EYS: variants seen among roughly 807,000 people sequenced by gnomAD.
EYS encodes the protein EGF-like photoreceptor maintenance factor, also known as protein eyes shut homolog.
Under a neutral mutation model 282.1 loss-of-function variants are expected in EYS, and 250 were observed. The observed-to-expected ratio is 0.89, with a 90% CI of 0.80 to 0.98. The LOEUF (loss-of-function observed/expected upper bound fraction) is 0.98, where lower values mean the gene tolerates loss of function less well. Among genes scored for constraint, EYS ranks in the 50% least tolerant of loss-of-function variants. The pLI is 0.00. For synonymous variants in EYS, 1,355 were observed against 1,282.9 expected (o/e 1.06, Z -1.20); for missense variants, 4,016 against 3,709.0 (o/e 1.08, Z -2.15).
chr6:65,622,759 T>G (rs550450666), intron 2 of EYS, among the ~76,000 whole-genome samples: 1 of 151,066 alleles, frequency 6.6e-6, no homozygotes, highest in South Asian at 2.1e-4. Flanking sequence ...ATCTTTCTTT[T>G]TTTTTTTTTT....
intron 12 of EYS, among the ~76,000 whole-genome samples, chr6:65,250,338 AT>A (rs1186413335): frequency 6.6e-6 from 1 of 152,012 alleles, no homozygotes; most frequent in African/African-American, 2.4e-5. Context: ...CTAAAAAAAA[AT>A]AAGTCTAGGT....
chr6:64,915,725 A>T (rs1032711679), intron 15 of EYS, among the ~76,000 whole-genome samples: 1 of 152,166 alleles, frequency 6.6e-6, no homozygotes, highest in Non-Finnish European at 1.5e-5. Context: ...ATCACATTTT[A>T]AAATTGTCAA....
chr6:65,635,072 G>A (rs1376780100), intron 2 of EYS, among the ~76,000 whole-genome samples: 1 of 152,188 alleles, frequency 6.6e-6, no homozygotes, highest in African/African-American at 2.4e-5. Flanking sequence ...GTTCATTTAA[G>A]TGCTGTGCTA....
chr6:64,530,259 A>G (rs1764283190), intron 26 of EYS, among the ~76,000 whole-genome samples: 1 of 152,082 alleles, frequency 6.6e-6, no homozygotes. Context: ...ATTTAAAAGT[A>G]CTAAAATATC....
At chr6:64,023,887 C>T (rs996665299) in intron 33 of EYS, among the ~76,000 whole-genome samples, 3 of 152,204 alleles carry the variant, frequency 2.0e-5, no homozygotes, top group South Asian at 2.1e-4. Flanking sequence ...CGGCCGGCCC[C>T]GCCAGCCCAG....
At chr6:64,247,277 C>T (rs1767051730) in intron 30 of EYS, among the ~76,000 whole-genome samples, 1 of 152,098 alleles carries the variant, frequency 6.6e-6, no homozygotes, top group Non-Finnish European at 1.5e-5. Flanking sequence ...AAAAATCACA[C>T]AATTAGCTCT....
chr6:65,058,903 A>T (rs1773490638), intron 12 of EYS, among the ~76,000 whole-genome samples: 1 of 152,142 alleles, frequency 6.6e-6, no homozygotes, highest in African/African-American at 2.4e-5. Flanking sequence ...AATTATTTGA[A>T]TGGAAACATT....
chr6:64,137,499 G>C (rs1019528105), intron 31 of EYS, among the ~76,000 whole-genome samples: 3 of 152,110 alleles, frequency 2.0e-5, no homozygotes, highest in Non-Finnish European at 2.9e-5. Flanking sequence ...TTTAAAGTGA[G>C]AGATGTGTGA....
In EYS at chr6:64,264,686, T is replaced by C. The variant is rs532540777; in HGVS notation, c.6192-33862A>G. Among the ~76,000 whole-genome samples the C allele has an allele frequency of 8.5e-5, 13 of 152,154 alleles. No homozygotes were observed. The South Asian group carries it at 2.5e-3, about 29-fold the overall frequency. On this transcript the variant is annotated intron_variant, in intron 30 of 42. Coordinates refer to ENST00000503581, the MANE Select transcript of EYS (RefSeq NM_001142800.2). ...GCACTTTGGGAGGCTGAAGCAGGTA[T>C]ATCACTTGAGTTTAGGAGTTTGAGA...
At chr6:64,456,372 T>C (rs1035444127) in intron 26 of EYS, among the ~76,000 whole-genome samples, 5 of 152,226 alleles carry the variant, frequency 3.3e-5, no homozygotes, top group Non-Finnish European at 5.9e-5. Context: ...CCTTTACCCA[T>C]AAAACTAGGG....
intron 35 of EYS, among the ~76,000 whole-genome samples, chr6:63,875,337 T>G (rs200290293): frequency 3.3e-5 from 5 of 152,134 alleles, no homozygotes; most frequent in Non-Finnish European, 7.4e-5. Flanking sequence ...TGATCATGGT[T>G]GATAAGCTTT....
At chr6:65,020,121 T>C (rs1249608219) in intron 13 of EYS, among the ~76,000 whole-genome samples, 2 of 152,110 alleles carry the variant, frequency 1.3e-5, no homozygotes, top group East Asian at 3.9e-4. Context: ...CATTCTACCC[T>C]GGCCCCTCCC....
intron 22 of EYS, among the ~76,000 whole-genome samples, chr6:64,732,846 G>T (rs1772019828): frequency 6.6e-6 from 1 of 152,198 alleles, no homozygotes; most frequent in East Asian, 1.9e-4. Flanking sequence ...AAATCTGATT[G>T]TTCAGGAGAA....
At chr6:65,688,116 CA>C (rs1434333555) in intron 1 of EYS, among the ~76,000 whole-genome samples, 1 of 152,118 alleles carries the variant, frequency 6.6e-6, no homozygotes, top group Non-Finnish European at 1.5e-5. Flanking sequence ...AATGAGCCCA[CA>C]TTGCCAAATC....
chr6:64,007,853 C>T lies in EYS; in HGVS notation c.6726-8670G>A, dbSNP rs188760283. The stretch of plus-strand genomic sequence containing the variant: ...TTTATTGCACTGTGGTCTAATAGTA[C>T]GGTTGGTATGGTTTTGGTTGTTTAA... On this transcript the variant is annotated intron_variant, in intron 33 of 42. Transcript: ENST00000503581. Among the ~76,000 whole-genome samples, 76 of 152,038 alleles carry T rather than the reference C, an allele frequency of 5.0e-4. No individual in the cohort carries two copies. The East Asian group carries it at 6.6e-3, about 13-fold the overall frequency.
At chr6:64,982,158 AT>A (rs1770697384) in intron 14 of EYS, among the ~76,000 whole-genome samples, 1 of 151,372 alleles carries the variant, frequency 6.6e-6, no homozygotes. Context: ...ATGTTACACT[AT>A]TCCCATTTTT....
intron 14 of EYS, among the ~76,000 whole-genome samples, chr6:64,988,618 AT>A (rs1237614779): frequency 6.6e-6 from 1 of 151,218 alleles, no homozygotes; most frequent in African/African-American, 2.4e-5. Context: ...AGGCATTGTC[AT>A]AACTCAGCCT....
At chr6:64,019,071 G>A (rs750587192) in intron 33 of EYS, among the ~76,000 whole-genome samples, 9 of 151,934 alleles carry the variant, frequency 5.9e-5, no homozygotes, top group Admixed American at 2.6e-4. Context: ...CACCATGCCC[G>A]GCTCACAAAT....
At position 65,098,265 on chromosome 6, in the gene EYS, T is replaced by A. The variant is rs374314060; in HGVS notation, c.2024-40538A>T. 8.0e-5 allele frequency among the ~76,000 whole-genome samples: 12 copies of A among 150,934 alleles called. No homozygotes were observed. In the East Asian group the frequency reaches 2.1e-3, roughly 27 times the overall value. Reference sequence around the variant, plus strand: ...ATATATTGGAATCAGTAAATGCATTTTCTTTGAGTAAAAGGGTTAGCGCAC... The same window carrying A: ...ATATATTGGAATCAGTAAATGCATTATCTTTGAGTAAAAGGGTTAGCGCAC... On this transcript the variant is annotated intron_variant, in intron 12 of 42. Transcript: ENST00000503581.
Sources: allele counts gnomAD v4.1 joint callset (sites outside exome capture counted in the v4.1 genomes callset), GRCh38; gene constraint gnomAD v4.1.1; transcripts MANE v1.5; gene names NCBI Gene and HGNC (gene_info 2026-07-23, HGNC 2026-07-21).